Variants in PTPRJ observed in about 807,000 individuals in gnomAD.
PTPRJ encodes receptor-type tyrosine-protein phosphatase eta.
A neutral mutation model predicts 141.3 loss-of-function variants in PTPRJ; 129 were observed. The observed-to-expected ratio is 0.91, with a 90% confidence interval of 0.79 to 1.06. PTPRJ has a LOEUF of 1.06. Ranked by LOEUF, PTPRJ falls within the 50% of genes least tolerant of loss-of-function variation. PTPRJ has a pLI of 0.00. For synonymous variants in PTPRJ, 610 were observed against 640.5 expected (o/e 0.95, Z 0.72); for missense variants, 1,601 against 1,679.7 (o/e 0.95, Z 0.82).
intron 16 of PTPRJ, 198 bp downstream of exon 16, chr11:48,149,686 C>A: frequency 1.9e-6 from 1 of 538,282 alleles, no homozygotes; most frequent in Non-Finnish European, 3.2e-6. Flanking sequence ...GCTTCCTTGT[C>A]ATGTTCTACT....
rs1168869186 is a variant in PTPRJ at position 48,000,140 on chromosome 11, C to CT, written c.96+19150dup. Among the ~76,000 whole-genome samples, 897 of 121,330 alleles carry CT rather than the reference C, an allele frequency of 7.4e-3. 7 individuals are homozygous for CT. Among genetic ancestry groups the CT allele is most frequent in the Middle Eastern group, 9.9e-3 (2 of 202 alleles). 79.6% of individuals were successfully genotyped at this position (121,330 alleles called of 152,430 possible). On this transcript the variant is annotated intron_variant, in intron 1 of 24. Transcript: ENST00000418331. ...TCCCAAAGTGCTGGTATGCCTGGCC[C>CT]TTTTTTTTTTTTTTTTTTGAGATAG...
intron 11 of PTPRJ, among the ~76,000 whole-genome samples, chr11:48,140,776 TACTTA>T (rs1209191863): frequency 3.3e-5 from 5 of 152,268 alleles, no homozygotes; most frequent in African/African-American, 4.8e-5. Context: ...AATAGCATTT[TACTTA>T]ACTTAGTATA....
chr11:48,135,458 T>C (rs1162454118), intron 8 of PTPRJ, among the ~76,000 whole-genome samples: 1 of 146,188 alleles, frequency 6.8e-6, no homozygotes. Flanking sequence ...ATTACAGGCG[T>C]GATCCACCGC....
intron 1 of PTPRJ, among the ~76,000 whole-genome samples, chr11:48,077,486 A>C (rs939681393): frequency 1.1e-4 from 17 of 152,274 alleles, no homozygotes; most frequent in African/African-American, 4.1e-4. Flanking sequence ...TGAGAAATGG[A>C]ATCCCTCCCA....
intron 3 of PTPRJ, among the ~76,000 whole-genome samples, chr11:48,116,480 G>A (rs1441177109): frequency 6.6e-6 from 1 of 152,286 alleles, no homozygotes; most frequent in South Asian, 2.1e-4. Context: ...CATAGTAGAG[G>A]ACTTCCACCA....
intron 10 of PTPRJ, 95 bp from the exon 11 acceptor site, chr11:48,139,391 C>A: frequency 7.4e-7 from 1 of 1,348,524 alleles, no homozygotes; most frequent in Non-Finnish European, 1.0e-6. Context: ...ATCACCCACC[C>A]ACCTTCTCAT....
intron 1 of PTPRJ, among the ~76,000 whole-genome samples, chr11:48,003,278 AT>A (rs2134192311): frequency 6.6e-6 from 1 of 152,304 alleles, no homozygotes; most frequent in African/African-American, 2.4e-5. Flanking sequence ...GCAAGGACCA[AT>A]ATCTTCATGA....
chr11:48,042,744 G>A lies in PTPRJ; in HGVS notation c.96+61736G>A, dbSNP rs184935900. 1.9e-4 allele frequency among the ~76,000 whole-genome samples: 29 copies of A among 149,314 alleles called. 1 individual carries two copies. The East Asian group carries it at 5.6e-3, about 29-fold the overall frequency. Reference sequence around the variant, plus strand: ...CCTGGGTTCTGACTTTCTTTTGCCTGTGTGTGTGTGTAGGGGTGTGTGTGT... The same window carrying A: ...CCTGGGTTCTGACTTTCTTTTGCCTATGTGTGTGTGTAGGGGTGTGTGTGT... On this transcript the variant is annotated intron_variant, in intron 1 of 24. Transcript: ENST00000418331.
chr11:48,140,030 A>G (rs1857195981), intron 11 of PTPRJ, among the ~76,000 whole-genome samples: 1 of 151,976 alleles, frequency 6.6e-6, no homozygotes. Context: ...CCTCATTGCC[A>G]TGTTTTCTTT....
intron 1 of PTPRJ, among the ~76,000 whole-genome samples, chr11:48,094,867 C>T (rs1034730483): frequency 1.3e-5 from 2 of 152,190 alleles, no homozygotes; most frequent in Admixed American, 6.5e-5. Context: ...TTCCTGGCCC[C>T]TGTCTTCTAA....
intron 6 of PTPRJ, among the ~76,000 whole-genome samples, chr11:48,127,494 G>T (rs781208588): frequency 3.3e-5 from 5 of 152,194 alleles, no homozygotes; most frequent in Non-Finnish European, 7.3e-5. Context: ...GGTAAGACAT[G>T]CATAGAGTCC....
At chr11:48,139,407 G>A (rs1475725297) in intron 10 of PTPRJ, 79 bp from the exon 11 acceptor site, 1 of 1,484,068 alleles carries the variant, frequency 6.7e-7, no homozygotes, top group African/African-American at 1.4e-5. Context: ...CTCATCCCCA[G>A]GATTCTGCTA....
intron 6 of PTPRJ, among the ~76,000 whole-genome samples, chr11:48,127,109 T>G (rs1392083387): frequency 6.6e-6 from 1 of 152,078 alleles, no homozygotes; most frequent in Non-Finnish European, 1.5e-5. Flanking sequence ...GCCTGCCCAT[T>G]GGCTCATAGT....
chr11:48,050,708 A>G (rs1358752925), intron 1 of PTPRJ, among the ~76,000 whole-genome samples: 3 of 115,958 alleles, frequency 2.6e-5, no homozygotes, highest in South Asian at 2.2e-4. Flanking sequence ...TAGAACAGTA[A>G]ATTTAGGGAA....
chr11:48,163,234 C>A (rs942238698), intron 22 of PTPRJ, among the ~76,000 whole-genome samples: 1 of 152,162 alleles, frequency 6.6e-6, no homozygotes, highest in Non-Finnish European at 1.5e-5. Context: ...TTCTGTGAAT[C>A]TCTGCTGCCT....
intron 1 of PTPRJ, among the ~76,000 whole-genome samples, chr11:48,063,979 T>G (rs1855009773): frequency 6.6e-6 from 1 of 151,712 alleles, no homozygotes; most frequent in Non-Finnish European, 1.5e-5. Flanking sequence ...GCTTTAGTTT[T>G]GATTCTCAGT....
chr11:48,092,521 T>C (rs1377778031), intron 1 of PTPRJ, among the ~76,000 whole-genome samples: 1 of 151,778 alleles, frequency 6.6e-6, no homozygotes, highest in East Asian at 2.0e-4. Flanking sequence ...CTTCTGCCTC[T>C]TGGGCTCAAG....
chr11:48,066,701 T>G (rs889586078), intron 1 of PTPRJ, among the ~76,000 whole-genome samples: 7 of 152,048 alleles, frequency 4.6e-5, no homozygotes, highest in Non-Finnish European at 8.8e-5. Context: ...TTCTCCTGCC[T>G]CAGCCTCCCA....
intron 4 of PTPRJ, among the ~76,000 whole-genome samples, chr11:48,122,676 A>G (rs1856734259): frequency 6.6e-6 from 1 of 152,180 alleles, no homozygotes; most frequent in South Asian, 2.1e-4. Context: ...CGAGCTGGGA[A>G]TTTATTGGTT....
Sources: gnomAD v4.1 joint callset for allele counts (sites outside exome capture counted in the v4.1 genomes callset) on GRCh38, gnomAD v4.1.1 for gene constraint, MANE v1.5 for transcripts, NCBI Gene and HGNC (gene_info 2026-07-23, HGNC 2026-07-21) for gene names.